MDM2: variants seen among roughly 807,000 people sequenced by gnomAD.
The protein encoded by MDM2 is E3 ubiquitin-protein ligase Mdm2.
In MDM2, 11 loss-of-function variants were observed where a neutral mutation model predicts 64.3. The observed-to-expected ratio is 0.17, with a 90% CI of 0.11 to 0.28. MDM2 has a LOEUF of 0.28. MDM2 is among the 10% of genes least tolerant of loss of function. The probability of loss-of-function intolerance (pLI) is 1.00; values close to 1 mark genes in which losing one functional copy is unlikely to be tolerated. For synonymous variants in MDM2, 194 were observed against 192.9 expected, an observed-to-expected ratio of 1.01 and a Z score of -0.05; for missense variants, 388 against 577.1, an observed-to-expected ratio of 0.67 and a Z score of 3.36.
intron 10 of MDM2, among the ~76,000 whole-genome samples, chr12:68,838,131 C>T (rs574969087): frequency 2.6e-5 from 4 of 152,050 alleles, no homozygotes; most frequent in Admixed American, 6.6e-5. Flanking sequence ...CTGTGAAAAA[C>T]CCCCTTCTAT....
chr12:68,836,069 A>C, intron 9 of MDM2, 85 bp downstream of exon 9: 2 of 1,199,118 alleles, frequency 1.7e-6, no homozygotes, highest in Non-Finnish European at 2.3e-6. Context: ...AAATAATATT[A>C]TTCAGATTTC....
chr12:68,831,612 G>A (rs1237822359), intron 8 of MDM2, among the ~76,000 whole-genome samples: 1 of 152,156 alleles, frequency 6.6e-6, no homozygotes, highest in Non-Finnish European at 1.5e-5. Context: ...GGGCTTTTAT[G>A]CTAGACAAGA....
intron 2 of MDM2, among the ~76,000 whole-genome samples, chr12:68,812,766 TA>T (rs1196170455): frequency 1.3e-5 from 2 of 152,174 alleles, no homozygotes; most frequent in African/African-American, 4.8e-5. Flanking sequence ...TTTCTTTCTG[TA>T]AGGAAAATTT....
chr12:68,812,871 T>C (rs1881029293), intron 2 of MDM2, among the ~76,000 whole-genome samples: 1 of 152,178 alleles, frequency 6.6e-6, no homozygotes, highest in Non-Finnish European at 1.5e-5. Flanking sequence ...ATACTTACAG[T>C]CTGGCTCTTT....
intron 10 of MDM2, 34 bp downstream of exon 10, chr12:68,836,783 A>G: frequency 7.1e-7 from 1 of 1,414,534 alleles, no homozygotes; most frequent in Non-Finnish European, 1.0e-6. Context: ...AGAAATAAAA[A>G]TTTCATTAAG....
At chr12:68,833,263 A>AAATATATATATATAT in intron 8 of MDM2, among the ~76,000 whole-genome samples, 1 of 121,362 alleles carries the variant, frequency 8.2e-6, no homozygotes, top group African/African-American at 2.9e-5. Context: ...ATATTTATAT[A>AAATATATATATATAT]ATTATATATT....
At position 68,845,259 on chromosome 12, in the gene MDM2, T is replaced by A. The variant is rs897223961; in HGVS notation, c.*5410T>A. The A allele has an allele frequency of 3.3e-5, 7 of 213,994 alleles. No individual in the cohort carries two copies. Among genetic ancestry groups the A allele is most frequent in the Non-Finnish European group, 5.7e-5 (6 of 106,116 alleles). 13.3% of individuals were successfully genotyped at this position (213,994 alleles called of 1,614,324 possible). ...AAAATTGTTTAAAAGTTTGTGATCATATTGTCTACCATGTAGCCAGCTTTC... is the reference window on the plus strand; with the variant it reads ...AAAATTGTTTAAAAGTTTGTGATCAAATTGTCTACCATGTAGCCAGCTTTC... On this transcript the variant is annotated 3_prime_UTR_variant, in exon 11 of 11. Transcript: ENST00000258149.
At chr12:68,830,436 TGA>T (rs1882701369) in intron 8 of MDM2, among the ~76,000 whole-genome samples, 1 of 152,258 alleles carries the variant, frequency 6.6e-6, no homozygotes, top group Non-Finnish European at 1.5e-5. Context: ...CTGCTCAGTC[TGA>T]GAGCAGGTTC....
chr12:68,824,136 C>T, intron 5 of MDM2: 1 of 492,168 alleles, frequency 2.0e-6, no homozygotes, highest in East Asian at 3.2e-5. Context: ...ATCTAACAGT[C>T]TTTTAATGTC....
Position 68,824,570 on chromosome 12 carries a change from C to G in MDM2, c.442C>G (p.Leu148Val). 5 of 1,613,382 alleles carry G rather than the reference C, an allele frequency of 3.1e-6. No individual in the cohort carries two copies. Among genetic ancestry groups the G allele is most frequent in the Non-Finnish European group, 4.2e-6 (5 of 1,179,772 alleles). The change falls in exon 7 of 11, where the codon CTT (leucine) becomes GTT (valine). Residue 148 changes from leucine (L) to valine (V), a missense_variant. Transcript: ENST00000258149. Reference protein sequence around the residue: ...GSDQKDLVQELQEEKPSSSHL... With the variant: ...GSDQKDLVQEVQEEKPSSSHL... The stretch of plus-strand genomic sequence containing the variant: ...AAATGCTTAGGACCTTGTACAAGAG[C>G]TTCAGGAAGAGAAACCTTCATCTTC...
intron 2 of MDM2, among the ~76,000 whole-genome samples, chr12:68,810,082 C>T (rs1305154254): frequency 1.3e-5 from 2 of 151,960 alleles, no homozygotes; most frequent in Admixed American, 6.6e-5. Context: ...GAGGCCAAGG[C>T]GGACCGATCA....
At chr12:68,809,525 A>G (rs571331019) in intron 2 of MDM2, among the ~76,000 whole-genome samples, 1 of 152,320 alleles carries the variant, frequency 6.6e-6, no homozygotes, top group African/African-American at 2.4e-5. Context: ...TTACATTGTT[A>G]AGCGTGGTTG....
rs1880515196 is a variant in MDM2, at chr12:68,808,179, G to T, written c.-299G>T. ...GCGCGCTCCCCTCGGGCGGTAGGGG[G>T]CGCGCACCGAGGCACCGCGGCGAGC... On this transcript the variant is annotated 5_prime_UTR_variant, in exon 1 of 11. Transcript: ENST00000258149. The T allele has an allele frequency of 1.9e-6, 1 of 515,776 alleles. No individual in the cohort carries two copies. The highest frequency in any genetic ancestry group is 3.4e-6 in the Non-Finnish European group (1 of 293,882). The allele number at this position is 515,776 out of a possible 1,614,324, so 31.9% of individuals were successfully genotyped here. A position where few individuals can be genotyped will look rare whatever the true frequency, so the allele number is the denominator to read the frequency against.
At chr12:68,828,497 C>T (rs1388910008) in intron 7 of MDM2, 1 of 301,614 alleles carries the variant, frequency 3.3e-6, no homozygotes, top group Non-Finnish European at 6.4e-6. Context: ...TCACTTGAGC[C>T]CATGAGGCAG....
chr12:68,845,495 T>G lies in MDM2; in HGVS notation c.*5646T>G, dbSNP rs928540223. 4.5e-5 allele frequency: 9 copies of G among 201,268 alleles called. No homozygotes were observed. Among genetic ancestry groups the G allele is most frequent in the African/African-American group, 9.2e-5 (4 of 43,470 alleles). The allele number at this position is 201,268 out of a possible 1,614,324, so 12.5% of individuals were successfully genotyped here. ...CTGAAATGATTGCTGTACTCAAATATTTAACGTTAGAGTAATAGTATTTTG... is the reference window on the plus strand; with the variant it reads ...CTGAAATGATTGCTGTACTCAAATAGTTAACGTTAGAGTAATAGTATTTTG... On this transcript the variant is annotated 3_prime_UTR_variant, in exon 11 of 11. Transcript: ENST00000258149.
intron 3 of MDM2, chr12:68,815,563 T>C (rs1483060422): frequency 3.6e-6 from 1 of 279,506 alleles, no homozygotes; most frequent in African/African-American, 2.3e-5. Flanking sequence ...CACCTCAGTG[T>C]CTGCAGTAGC....
At chr12:68,836,886 C>T in intron 10 of MDM2, 137 bp downstream of exon 10, 2 of 557,996 alleles carry the variant, frequency 3.6e-6, no homozygotes, top group African/African-American at 1.9e-5. Flanking sequence ...TAATTTAAAG[C>T]ATTTTTCTTT....
At chr12:68,825,973 A>G (rs984843794) in intron 7 of MDM2, among the ~76,000 whole-genome samples, 4 of 152,244 alleles carry the variant, frequency 2.6e-5, no homozygotes, top group Non-Finnish European at 5.9e-5. Context: ...AGTTAAATGA[A>G]AAATAGAATA....
At chr12:68,826,180 A>G (rs1461407194) in intron 7 of MDM2, among the ~76,000 whole-genome samples, 1 of 152,142 alleles carries the variant, frequency 6.6e-6, no homozygotes, top group African/African-American at 2.4e-5. Context: ...TTTTAGCTTT[A>G]CAGATAGTAA....
Sources: gnomAD v4.1 joint callset for allele counts (sites outside exome capture counted in the v4.1 genomes callset) on GRCh38, gnomAD v4.1.1 for gene constraint, MANE v1.5 for transcripts, NCBI Gene and HGNC (gene_info 2026-07-23, HGNC 2026-07-21) for gene names.